SGCD: variants seen among roughly 807,000 people sequenced by gnomAD.
SGCD encodes the protein sarcoglycan delta.
A neutral mutation model predicts 36.6 loss-of-function variants in SGCD; 18 were observed. The observed-to-expected ratio is 0.49, with a 90% CI of 0.34 to 0.73. The LOEUF is 0.73. SGCD is among the 30% of genes least tolerant of loss of function. The pLI is 0.01. For synonymous variants in SGCD, 133 were observed against 130.6 expected, an observed-to-expected ratio of 1.02 and a Z score of -0.12; for missense variants, 387 against 346.7, an observed-to-expected ratio of 1.12 and a Z score of -0.92.
chr5:156,330,249 A>G (rs114091490), intron 2 of SGCD, among the ~76,000 whole-genome samples: 1,738 of 152,196 alleles, frequency 0.011, 40 homozygotes, highest in African/African-American at 0.04. Flanking sequence ...CAAAAATCCA[A>G]AAAAATCTGA....
At chr5:156,700,339 A>G (rs1427712236) in intron 7 of SGCD, among the ~76,000 whole-genome samples, 3 of 152,084 alleles carry the variant, frequency 2.0e-5, no homozygotes, top group Non-Finnish European at 4.4e-5. Flanking sequence ...TTTTCTTGCT[A>G]TACCTCCTTC....
intron 1 of SGCD, among the ~76,000 whole-genome samples, chr5:155,932,560 A>C (rs993475532): frequency 6.6e-6 from 1 of 152,186 alleles, no homozygotes; most frequent in Non-Finnish European, 1.5e-5. Context: ...CTCACCCTCA[A>C]CATAACTGGT....
At chr5:156,355,638 A>G (rs1189528727) in intron 3 of SGCD, among the ~76,000 whole-genome samples, 1 of 152,026 alleles carries the variant, frequency 6.6e-6, no homozygotes, top group Non-Finnish European at 1.5e-5. Context: ...ACCCTCAAAT[A>G]ATTTTTGTTT....
chr5:156,476,059 A>G (rs1755164036), intron 3 of SGCD, among the ~76,000 whole-genome samples: 1 of 152,130 alleles, frequency 6.6e-6, no homozygotes, highest in Non-Finnish European at 1.5e-5. Context: ...CTTCCTCATG[A>G]CTAATGCTGA....
chr5:156,468,193 A>T (rs1754794679), intron 3 of SGCD, among the ~76,000 whole-genome samples: 1 of 151,902 alleles, frequency 6.6e-6, no homozygotes, highest in Non-Finnish European at 1.5e-5. Context: ...TGCAAAAATT[A>T]AAATATGCAT....
chr5:155,980,412 C>T (rs939573039), intron 1 of SGCD, among the ~76,000 whole-genome samples: 3 of 151,286 alleles, frequency 2.0e-5, no homozygotes, highest in Non-Finnish European at 2.9e-5. Flanking sequence ...GGTGAAACCC[C>T]GTCTCTACTA....
chr5:156,106,361 C>T (rs941947884), intron 1 of SGCD, among the ~76,000 whole-genome samples: 3 of 152,114 alleles, frequency 2.0e-5, no homozygotes, highest in South Asian at 4.2e-4. Context: ...GACTACAGGG[C>T]GAATGCTTTG....
intron 4 of SGCD, among the ~76,000 whole-genome samples, chr5:156,516,812 C>A (rs985395294): frequency 1.3e-5 from 2 of 152,088 alleles, no homozygotes; most frequent in African/African-American, 4.8e-5. Context: ...TCCTGGCCAA[C>A]GTGATGAAAC....
At chr5:156,041,509 A>G (rs1402570435) in intron 1 of SGCD, among the ~76,000 whole-genome samples, 1 of 152,206 alleles carries the variant, frequency 6.6e-6, no homozygotes, top group Non-Finnish European at 1.5e-5. Context: ...TGTTCTGCCT[A>G]AAGTAGAGAT....
At chr5:156,588,038 A>G (rs147844551) in intron 4 of SGCD, among the ~76,000 whole-genome samples, 67 of 151,970 alleles carry the variant, frequency 4.4e-4, no homozygotes, top group African/African-American at 1.5e-3. Context: ...AGGCAGTAAT[A>G]TACCAGATAG....
rs72803041 is a variant in SGCD, at chr5:156,760,763, A to G, written c.*1373A>G. The G allele has an allele frequency of 0.083, 12,678 of 152,704 alleles. 872 individuals carry two copies. Among genetic ancestry groups the G allele is most frequent in the African/African-American group, 0.19 (7,694 of 41,502 alleles). 9.5% of individuals were successfully genotyped at this position (152,704 alleles called of 1,614,324 possible). A position where few individuals can be genotyped will look rare whatever the true frequency, so the allele number is the denominator to read the frequency against. On this transcript the variant is annotated 3_prime_UTR_variant, in exon 9 of 9. Coordinates refer to ENST00000337851, the MANE Select transcript of SGCD (RefSeq NM_000337.6). ...TTGTGCTGGGACAGGGGATTACACC[A>G]TCTCTGTTCAAAGAGGGGGAAATGT... is the stretch of plus-strand genomic sequence containing the variant.
chr5:156,059,244 A>T lies in SGCD; in HGVS notation c.-281-58634A>T, dbSNP rs1415902362. 2.7e-5 allele frequency among the ~76,000 whole-genome samples: 4 copies of T among 145,982 alleles called. 1 individual carries two copies. The highest frequency in any genetic ancestry group is 4.9e-5 in the African/African-American group (2 of 40,616). On this transcript the variant is annotated intron_variant, in intron 1 of 9. Coordinates refer to the SGCD transcript ENST00000517913. Reference sequence around the variant, plus strand: ...CTGTCTAGAGGAAAGCAAGTTAATTAAATTAACGTAGTTTCCCAGCTGAGA... The same window carrying T: ...CTGTCTAGAGGAAAGCAAGTTAATTTAATTAACGTAGTTTCCCAGCTGAGA...
chr5:156,560,793 T>C (rs1284983646), intron 4 of SGCD, among the ~76,000 whole-genome samples: 1 of 152,188 alleles, frequency 6.6e-6, no homozygotes, highest in African/African-American at 2.4e-5. Flanking sequence ...TCCATTCAAA[T>C]CTGTGTCCTG....
At chr5:155,764,220 A>G in the SGCD span, among the ~76,000 whole-genome samples, 3 of 152,186 alleles carry the variant, frequency 2.0e-5, no homozygotes, top group East Asian at 5.8e-4. Flanking sequence ...ATACAAATTT[A>G]AAGGTTATTA....
Position 155,944,438 on chromosome 5 carries a change from G to T in SGCD, c.-282+74014G>T, listed in dbSNP as rs187341883. 1.5e-3 allele frequency among the ~76,000 whole-genome samples: 235 copies of T among 152,150 alleles called. 3 individuals are homozygous for T. Among genetic ancestry groups the T allele is most frequent in the Admixed American group, 0.014 (209 of 15,276 alleles). ...CACGTGTTTTTTTCCTACTCAAATT[G>T]CACTGTTCTCTAGCTTTTAAAAGCT... On this transcript the variant is annotated intron_variant, in intron 1 of 9. Coordinates refer to the SGCD transcript ENST00000517913.
chr5:156,684,449 C>T (rs1209238801), intron 7 of SGCD, among the ~76,000 whole-genome samples: 2 of 152,196 alleles, frequency 1.3e-5, no homozygotes, highest in Non-Finnish European at 2.9e-5. Flanking sequence ...TGAATTATTT[C>T]CAGAATCTCA....
intron 3 of SGCD, among the ~76,000 whole-genome samples, chr5:156,173,972 G>A (rs1217229456): frequency 6.6e-6 from 1 of 152,132 alleles, no homozygotes; most frequent in East Asian, 1.9e-4. Flanking sequence ...CACATACAAT[G>A]AGCATAATTA....
chr5:155,892,059 A>C (rs1018689676), intron 1 of SGCD, among the ~76,000 whole-genome samples: 1 of 152,102 alleles, frequency 6.6e-6, no homozygotes, highest in Non-Finnish European at 1.5e-5. Context: ...CTGATTTTGA[A>C]TTGTATTTTG....
At chr5:156,435,405 A>G (rs1231149986) in intron 3 of SGCD, among the ~76,000 whole-genome samples, 1 of 152,232 alleles carries the variant, frequency 6.6e-6, no homozygotes, top group Non-Finnish European at 1.5e-5. Flanking sequence ...ATTTTTACAG[A>G]GAGACATTCA....
Sources: allele counts gnomAD v4.1 joint callset (sites outside exome capture counted in the v4.1 genomes callset), GRCh38; gene constraint gnomAD v4.1.1; transcripts MANE v1.5; gene names NCBI Gene and HGNC (gene_info 2026-07-23, HGNC 2026-07-21).